The following MAPK14 variants were observed in gnomAD, a reference collection of about 807,000 sequenced individuals.
The protein encoded by MAPK14 is mitogen-activated protein kinase 14, also known as CSAID-binding protein.
A neutral mutation model predicts 49.6 loss-of-function variants in MAPK14; 16 were observed. The observed-to-expected ratio is 0.32, with a 90% CI of 0.22 to 0.49. The LOEUF (loss-of-function observed/expected upper bound fraction) is 0.49. MAPK14 is among the 20% of genes least tolerant of loss of function. The pLI is 0.99. For synonymous variants in MAPK14, 142 were observed against 158.0 expected, an observed-to-expected ratio of 0.90 and a Z score of 0.76; for missense variants, 200 against 441.2, an observed-to-expected ratio of 0.45 and a Z score of 4.90.
At chr6:36,120,512 CCCA>C in the MAPK14 span, among the ~76,000 whole-genome samples, 10 of 151,978 alleles carry the variant, frequency 6.6e-5, no homozygotes, top group African/African-American at 2.2e-4. Context: ...TTCCTCTTCC[CCCA>C]CCACCACCGC....
intron 2 of MAPK14, among the ~76,000 whole-genome samples, chr6:36,053,931 G>A (rs1763494058): frequency 1.4e-5 from 2 of 146,296 alleles, no homozygotes; most frequent in African/African-American, 5.1e-5. Context: ...ATGCTATTGA[G>A]GAAATCCTAT....
At chr6:36,067,775 T>G (rs1198416855) in intron 3 of MAPK14, among the ~76,000 whole-genome samples, 5 of 152,148 alleles carry the variant, frequency 3.3e-5, no homozygotes, top group Non-Finnish European at 7.3e-5. Context: ...GCACATGTAT[T>G]TCAATAAAAT....
At chr6:36,101,573 C>A (rs9368904) in intron 9 of MAPK14, among the ~76,000 whole-genome samples, 16,346 of 152,032 alleles carry the variant, frequency 0.11, 1,669 homozygotes, top group East Asian at 0.51. Flanking sequence ...GGAACCTCCA[C>A]CTCCTGGGCT....
At chr6:36,104,052 A>G (rs1351891235) in intron 10 of MAPK14, among the ~76,000 whole-genome samples, 1 of 152,154 alleles carries the variant, frequency 6.6e-6, no homozygotes, top group Non-Finnish European at 1.5e-5. Flanking sequence ...GTGATTATGG[A>G]GAGGAATTTT....
intron 3 of MAPK14, among the ~76,000 whole-genome samples, chr6:36,060,085 G>A (rs1167759804): frequency 6.6e-6 from 1 of 152,198 alleles, no homozygotes; most frequent in African/African-American, 2.4e-5. Context: ...AGTAGTGGGG[G>A]GCTAGGGAAA....
chr6:36,056,454 G>A (rs891412959), intron 2 of MAPK14, among the ~76,000 whole-genome samples: 1 of 152,162 alleles, frequency 6.6e-6, no homozygotes, highest in African/African-American at 2.4e-5. Context: ...TTGAACTCCT[G>A]CTGAATGCCA....
At chr6:36,100,339 C>T (rs1765592551) in intron 9 of MAPK14, 1 of 1,120,732 alleles carries the variant, frequency 8.9e-7, no homozygotes, top group Non-Finnish European at 1.4e-6. Context: ...CACCGTATAA[C>T]CAACAGTTCT....
chr6:36,027,854 G>A lies in MAPK14; in HGVS notation c.-304G>A. On this transcript the variant is annotated 5_prime_UTR_variant, in exon 1 of 12. Transcript: ENST00000229794. The stretch of plus-strand genomic sequence containing the variant: ...GCAGCTGGAACGGGAGTACTGCGAC[G>A]CAGCCCGGAGTCGGCCTTGTAGGGG... The A allele has an allele frequency of 2.5e-6, 1 of 402,462 alleles. No homozygotes were observed. 24.9% of individuals were successfully genotyped at this position (402,462 alleles called of 1,614,324 possible). A position where few individuals can be genotyped will look rare whatever the true frequency, so the allele number is the denominator to read the frequency against.
In MAPK14 at chr6:36,028,791, C is replaced by T. The variant is rs61763102; in HGVS notation, c.116+518C>T. On this transcript the variant is annotated intron_variant, in intron 1 of 11. Coordinates refer to ENST00000229794, the MANE Select transcript of MAPK14 (RefSeq NM_139012.3). This position sits in a 1 kb window ranked among gnomAD's most constrained non-coding sequence, Gnocchi z 5.1. ...ACCAGGAAGGGAGCTCTCTCCGGGC[C>T]TTTTTTTTTTTTTTTTTTTTTCAAA... 0.011 allele frequency among the ~76,000 whole-genome samples: 1,111 copies of T among 100,280 alleles called. 16 individuals carry two copies. The highest frequency in any genetic ancestry group is 0.037 in the African/African-American group (1,021 of 27,578). 65.8% of individuals were successfully genotyped at this position (100,280 alleles called of 152,430 possible). A position where few individuals can be genotyped will look rare whatever the true frequency, so the allele number is the denominator to read the frequency against.
intron 8 of MAPK14, among the ~76,000 whole-genome samples, chr6:36,093,588 A>G (rs963520454): frequency 6.6e-6 from 1 of 152,024 alleles, no homozygotes; most frequent in Non-Finnish European, 1.5e-5. Context: ...GTGTGGTGGC[A>G]GGCGCCTGTA....
At chr6:36,063,750 G>A (rs74907366) in intron 3 of MAPK14, among the ~76,000 whole-genome samples, 13,238 of 152,244 alleles carry the variant, frequency 0.087, 711 homozygotes, top group Middle Eastern at 0.12. Flanking sequence ...AATCTGGATG[G>A]AGATGATTTT....
At chr6:36,069,201 A>G (rs1180155527) in intron 3 of MAPK14, among the ~76,000 whole-genome samples, 2 of 152,180 alleles carry the variant, frequency 1.3e-5, no homozygotes, top group East Asian at 1.9e-4. Context: ...AACAAATACT[A>G]TAGAAATTAT....
chr6:36,076,697 ACT>A, intron 8 of MAPK14, 89 bp downstream of exon 8: 1 of 977,412 alleles, frequency 1.0e-6, no homozygotes, highest in Non-Finnish European at 1.6e-6. Flanking sequence ...TCTAGGGAAG[ACT>A]CTCAGTATTT....
Position 36,033,393 on chromosome 6 carries a change from G to A in MAPK14, c.116+5120G>A, listed in dbSNP as rs557780184. 4.6e-5 allele frequency among the ~76,000 whole-genome samples: 7 copies of A among 151,298 alleles called. No homozygotes were observed. The East Asian group carries it at 5.8e-4, about 13-fold the overall frequency. On this transcript the variant is annotated intron_variant, in intron 1 of 11. Coordinates refer to ENST00000229794, the MANE Select transcript of MAPK14 (RefSeq NM_139012.3). ...GCGCAGTGGTGCAATCTCGGCTCAC[G>A]GCAGCCTCTGCCTCCCGAGTTCAAG...
intron 8 of MAPK14, among the ~76,000 whole-genome samples, chr6:36,084,963 G>A (rs974149478): frequency 6.6e-6 from 1 of 152,176 alleles, no homozygotes; most frequent in Non-Finnish European, 1.5e-5. Context: ...AGCCCATCAG[G>A]CTAAGAGTGG....
At chr6:36,064,094 T>TGTGTG (rs1259711585) in intron 3 of MAPK14, among the ~76,000 whole-genome samples, 2 of 118,958 alleles carry the variant, frequency 1.7e-5, no homozygotes, top group South Asian at 2.7e-4. Context: ...GTGTGTGTGT[T>TGTGTG]TGTTTTCTTT....
At chr6:36,105,246 A>AT (rs889182907) in intron 10 of MAPK14, among the ~76,000 whole-genome samples, 291 of 147,510 alleles carry the variant, frequency 2.0e-3, no homozygotes, top group Middle Eastern at 6.9e-3. Flanking sequence ...ATCTGTCAAG[A>AT]TTTTTTTTTT....
chr6:36,032,712 C>T (rs1456037869), intron 1 of MAPK14, among the ~76,000 whole-genome samples: 4 of 152,198 alleles, frequency 2.6e-5, no homozygotes, highest in African/African-American at 9.7e-5. Flanking sequence ...AAGACAGAAA[C>T]AAGACAATCC....
chr6:36,069,718 C>G (rs1345133345), intron 3 of MAPK14, among the ~76,000 whole-genome samples: 1 of 152,150 alleles, frequency 6.6e-6, no homozygotes, highest in Non-Finnish European at 1.5e-5. Context: ...CTCTCTCTCT[C>G]TCTCTCTCTG....
Sources: gnomAD v4.1 joint callset for allele counts (sites outside exome capture counted in the v4.1 genomes callset) on GRCh38, gnomAD v4.1.1 for gene constraint, Gnocchi (gnomAD v3.1) non-coding constraint, MANE v1.5 for transcripts, NCBI Gene and HGNC (gene_info 2026-07-23, HGNC 2026-07-21) for gene names.